The following CORIN variants were observed in gnomAD, a reference collection of about 807,000 sequenced individuals.
CORIN encodes corin, serine peptidase, also known as atrial natriuretic peptide-converting enzyme.
Under a neutral mutation model 125.3 loss-of-function variants are expected in CORIN, and 117 were observed. The observed-to-expected ratio is 0.93, with a 90% CI of 0.80 to 1.09. The LOEUF is 1.09. CORIN is among the 50% of genes least tolerant of loss of function. The pLI is 0.00. For synonymous variants in CORIN, 450 were observed against 466.4 expected (o/e 0.96, Z 0.45); for missense variants, 1,253 against 1,306.7 (o/e 0.96, Z 0.63).
At position 47,798,496 on chromosome 4, in the gene CORIN, A is replaced by G. The variant is rs543742353; in HGVS notation, c.208+8407T>C. Among the ~76,000 whole-genome samples the G allele has an allele frequency of 1.8e-3, 281 of 152,264 alleles. 2 individuals carry two copies. The highest frequency in any genetic ancestry group is 6.1e-3 in the African/African-American group (254 of 41,562). On this transcript the variant is annotated intron_variant, in intron 2 of 21. Coordinates refer to ENST00000273857, the MANE Select transcript of CORIN (RefSeq NM_006587.4). ...ACAAAGTTATAAACTCAAACCAAAC[A>G]GAGCATTTTTTAAAGTAAGCAATTT... is the stretch of plus-strand genomic sequence containing the variant.
intron 3 of CORIN, among the ~76,000 whole-genome samples, chr4:47,774,263 T>C (rs1299727382): frequency 6.6e-6 from 1 of 152,200 alleles, no homozygotes. Context: ...CAGGGCTGCA[T>C]GCTCCACTGG....
At chr4:47,750,142 G>A (rs1016119966) in intron 4 of CORIN, among the ~76,000 whole-genome samples, 23 of 152,122 alleles carry the variant, frequency 1.5e-4, no homozygotes, top group African/African-American at 4.8e-4. Flanking sequence ...TATGATAAGC[G>A]AACAGCATTG....
intron 5 of CORIN, among the ~76,000 whole-genome samples, chr4:47,738,294 T>C (rs1007775960): frequency 4.6e-5 from 7 of 152,182 alleles, no homozygotes; most frequent in African/African-American, 1.7e-4. Flanking sequence ...GCTATAGTAT[T>C]GACTGCTATA....
chr4:47,780,689 C>G (rs1289187782), intron 3 of CORIN, among the ~76,000 whole-genome samples: 1 of 152,066 alleles, frequency 6.6e-6, no homozygotes, highest in Non-Finnish European at 1.5e-5. Context: ...ATTGCACTGG[C>G]AGAATCTGTC....
At chr4:47,733,041 A>G (rs1279288774) in intron 5 of CORIN, among the ~76,000 whole-genome samples, 1 of 152,154 alleles carries the variant, frequency 6.6e-6, no homozygotes, top group Non-Finnish European at 1.5e-5. Context: ...GCCTGTCTTC[A>G]TGCCTTCTCC....
intron 3 of CORIN, among the ~76,000 whole-genome samples, chr4:47,775,422 A>T (rs572204358): frequency 1.5e-4 from 23 of 151,934 alleles, no homozygotes; most frequent in Non-Finnish European, 2.5e-4. Flanking sequence ...CCTGTGTCCA[A>T]GTGTTCTCAT....
chr4:47,823,858 C>T (rs1732625987), intron 1 of CORIN, among the ~76,000 whole-genome samples: 1 of 152,184 alleles, frequency 6.6e-6, no homozygotes, highest in African/African-American at 2.4e-5. Context: ...GCATGGACAC[C>T]TTCCTCCTCC....
At chr4:47,712,266 CAT>C (rs1726880260) in intron 5 of CORIN, among the ~76,000 whole-genome samples, 1 of 151,944 alleles carries the variant, frequency 6.6e-6, no homozygotes, top group African/African-American at 2.4e-5. Flanking sequence ...AATATAATGT[CAT>C]ATATATTGAC....
At chr4:47,648,148 A>G (rs532615383) in intron 13 of CORIN, among the ~76,000 whole-genome samples, 1 of 152,330 alleles carries the variant, frequency 6.6e-6, no homozygotes, top group East Asian at 1.9e-4. Flanking sequence ...TTTTGGTGCA[A>G]TTATGTTTTA....
Position 47,645,210 on chromosome 4 carries a change from A to C in CORIN, c.1844-16T>G. ...TCTTTACAACCTAGAGACAGAAGAA[A>C]AGGTTATTTGCAATAGACGTGGAAT... is the stretch of plus-strand genomic sequence containing the variant. On this transcript the variant is annotated splice_polypyrimidine_tract_variant and intron_variant, in intron 13 of 21. Coordinates refer to ENST00000273857, the MANE Select transcript of CORIN (RefSeq NM_006587.4). 7.1e-7 allele frequency: 1 copy of C among 1,410,288 alleles called. No homozygotes were observed. 87.4% of individuals were successfully genotyped at this position (1,410,288 alleles called of 1,614,324 possible). A position where few individuals can be genotyped will look rare whatever the true frequency, so the allele number is the denominator to read the frequency against.
intron 16 of CORIN, among the ~76,000 whole-genome samples, chr4:47,637,346 C>G (rs1404565540): frequency 6.6e-6 from 1 of 152,196 alleles, no homozygotes; most frequent in Non-Finnish European, 1.5e-5. Context: ...GAAATTCAAG[C>G]TGGCTGCAGA....
chr4:47,607,829 C>T (rs1721712317), intron 19 of CORIN, among the ~76,000 whole-genome samples: 1 of 152,076 alleles, frequency 6.6e-6, no homozygotes, highest in Non-Finnish European at 1.5e-5. Context: ...CACCTATAGT[C>T]CCAGCTACTC....
intron 5 of CORIN, among the ~76,000 whole-genome samples, chr4:47,734,247 T>C (rs1577874355): frequency 6.6e-6 from 1 of 152,176 alleles, no homozygotes; most frequent in East Asian, 1.9e-4. Flanking sequence ...ATGGGGTACA[T>C]AATGTAAAGG....
chr4:47,668,868 C>G (rs1724600044), intron 10 of CORIN, among the ~76,000 whole-genome samples: 1 of 152,196 alleles, frequency 6.6e-6, no homozygotes. Flanking sequence ...TTTATTGGAT[C>G]TTGAGTTTTA....
intron 5 of CORIN, among the ~76,000 whole-genome samples, chr4:47,705,686 T>C (rs1314707754): frequency 6.6e-6 from 1 of 152,198 alleles, no homozygotes; most frequent in Non-Finnish European, 1.5e-5. Context: ...GAAAAATACG[T>C]AGCCTGACCT....
chr4:47,739,346 T>A (rs968601109), intron 5 of CORIN, among the ~76,000 whole-genome samples: 5 of 152,074 alleles, frequency 3.3e-5, no homozygotes, highest in African/African-American at 1.2e-4. Context: ...AAGGTTAACA[T>A]CTGACTTCTC....
intron 5 of CORIN, among the ~76,000 whole-genome samples, chr4:47,704,769 A>C (rs1726471042): frequency 6.6e-6 from 1 of 152,150 alleles, no homozygotes; most frequent in Non-Finnish European, 1.5e-5. Flanking sequence ...TAACATGAAG[A>C]TATGTCAGTG....
At chr4:47,808,828 T>G (rs377578736) in intron 1 of CORIN, among the ~76,000 whole-genome samples, 1 of 152,244 alleles carries the variant, frequency 6.6e-6, no homozygotes, top group African/African-American at 2.4e-5. Context: ...TTGTTTATTT[T>G]ACTTAGTTAT....
chr4:47,703,133 G>A (rs562495799), intron 5 of CORIN, among the ~76,000 whole-genome samples: 1 of 152,072 alleles, frequency 6.6e-6, no homozygotes, highest in Non-Finnish European at 1.5e-5. Flanking sequence ...GATAACCAGC[G>A]GTTGGATGCC....
Sources: allele counts gnomAD v4.1 joint callset (sites outside exome capture counted in the v4.1 genomes callset), GRCh38; gene constraint gnomAD v4.1.1; transcripts MANE v1.5; gene names NCBI Gene and HGNC (gene_info 2026-07-23, HGNC 2026-07-21).